PALLD: variants seen among roughly 807,000 people sequenced by gnomAD.
PALLD encodes the protein palladin, cytoskeletal associated protein.
PALLD carries 61 observed loss-of-function variants against 123.5 expected under a neutral mutation model. The observed-to-expected ratio is 0.49, with a 90% confidence interval of 0.40 to 0.61. The LOEUF is 0.61. Among genes scored for constraint, PALLD ranks in the 20% least tolerant of loss-of-function variants. The probability of loss-of-function intolerance (pLI) is 0.00; values close to 1 mark genes in which losing one functional copy is unlikely to be tolerated. For synonymous variants in PALLD, 465 were observed against 496.4 expected, an observed-to-expected ratio of 0.94 and a Z score of 0.84; for missense variants, 1,273 against 1,377.0, an observed-to-expected ratio of 0.92 and a Z score of 1.20.
chr4:168,811,771 C>T (rs751398425), intron 10 of PALLD, among the ~76,000 whole-genome samples: 1 of 99,644 alleles, frequency 1.0e-5, no homozygotes, highest in Non-Finnish European at 2.3e-5. Flanking sequence ...CTCTCTCTCT[C>T]TCTCTCACAC....
At chr4:168,623,397 T>TCATTAAATAA (rs1561315781) in intron 2 of PALLD, among the ~76,000 whole-genome samples, 1 of 152,252 alleles carries the variant, frequency 6.6e-6, no homozygotes, top group Non-Finnish European at 1.5e-5. Context: ...AACATGTGGT[T>TCATTAAATAA]CATGAAATAT....
intron 10 of PALLD, among the ~76,000 whole-genome samples, chr4:168,808,289 G>A (rs1474425604): frequency 1.3e-5 from 2 of 151,560 alleles, no homozygotes; most frequent in African/African-American, 4.8e-5. Context: ...GACCATCCTG[G>A]CTAACATGGT....
At chr4:168,521,901 G>A (rs1012507579) in intron 2 of PALLD, among the ~76,000 whole-genome samples, 8 of 151,998 alleles carry the variant, frequency 5.3e-5, no homozygotes, top group African/African-American at 1.9e-4. Context: ...ACCTCACTTG[G>A]CCTTCTGTTC....
At chr4:168,793,184 T>C (rs537253835) in intron 10 of PALLD, among the ~76,000 whole-genome samples, 1 of 124,398 alleles carries the variant, frequency 8.0e-6, no homozygotes, top group African/African-American at 3.1e-5. Flanking sequence ...TGCATATATA[T>C]ACATATATAT....
chr4:168,761,660 T>TTTTTTTTTTTTTTTTTTTTTTTTTTTG (rs1561493960), intron 10 of PALLD, among the ~76,000 whole-genome samples: 1 of 125,140 alleles, frequency 8.0e-6, no homozygotes. Flanking sequence ...TTTTTTTTTT[T>TTTTTTTTTTTTTTTTTTTTTTTTTTTG]TTTTTTTTTT....
intron 8 of PALLD, among the ~76,000 whole-genome samples, chr4:168,708,520 G>A (rs1288674165): frequency 1.3e-5 from 2 of 152,124 alleles, no homozygotes; most frequent in Non-Finnish European, 1.5e-5. Flanking sequence ...CCACTTAACA[G>A]TACCTTCCAG....
chr4:168,654,264 T>C (rs576936832), intron 2 of PALLD, among the ~76,000 whole-genome samples: 6 of 152,036 alleles, frequency 3.9e-5, no homozygotes, highest in Non-Finnish European at 8.8e-5. Flanking sequence ...TTTAGAGTTG[T>C]TTTTTTTGGG....
chr4:168,718,954 C>T (rs1402058599), intron 10 of PALLD, among the ~76,000 whole-genome samples: 1 of 146,952 alleles, frequency 6.8e-6, no homozygotes, highest in African/African-American at 2.5e-5. Flanking sequence ...GTTGCCCAGG[C>T]TGGAGTGCAG....
intron 10 of PALLD, among the ~76,000 whole-genome samples, chr4:168,817,867 G>T (rs1416723115): frequency 6.6e-6 from 1 of 152,126 alleles, no homozygotes; most frequent in African/African-American, 2.4e-5. Context: ...GCAACTCTAG[G>T]ATTGGCAATT....
At chr4:168,728,399 T>A (rs1282195472) in intron 10 of PALLD, among the ~76,000 whole-genome samples, 3 of 152,122 alleles carry the variant, frequency 2.0e-5, no homozygotes, top group Non-Finnish European at 2.9e-5. Context: ...GTTTTATAGT[T>A]CTTGTAGAGA....
chr4:168,694,757 T>C (rs1782980283), intron 8 of PALLD, among the ~76,000 whole-genome samples: 4 of 152,236 alleles, frequency 2.6e-5, no homozygotes, highest in Admixed American at 2.6e-4. Context: ...TGATGTGTTT[T>C]ACACTCCCCT....
chr4:168,843,761 A>C (rs1369570254), intron 10 of PALLD, among the ~76,000 whole-genome samples: 1 of 152,168 alleles, frequency 6.6e-6, no homozygotes, highest in African/African-American at 2.4e-5. Context: ...ATCCAGTCAA[A>C]TGATGTCAGC....
intron 2 of PALLD, among the ~76,000 whole-genome samples, chr4:168,626,107 C>CAA (rs35368159): frequency 3.4e-5 from 5 of 146,090 alleles, no homozygotes; most frequent in South Asian, 2.2e-4. Flanking sequence ...ACTAAAAATA[C>CAA]AAAAAAAAAT....
At chr4:168,837,963 G>A (rs1745435772) in intron 10 of PALLD, among the ~76,000 whole-genome samples, 2 of 152,176 alleles carry the variant, frequency 1.3e-5, no homozygotes, top group South Asian at 4.1e-4. Flanking sequence ...ATAGATCTAG[G>A]GAGCATGAGG....
chr4:168,899,400 A>G (rs576642504), intron 14 of PALLD, among the ~76,000 whole-genome samples: 1 of 152,202 alleles, frequency 6.6e-6, no homozygotes, highest in Non-Finnish European at 1.5e-5. Context: ...AAAAGAATAA[A>G]AAAAAGGGAA....
chr4:168,700,616 G>C (rs1007873427), intron 8 of PALLD: 2 of 152,214 alleles, frequency 1.3e-5, no homozygotes, highest in African/African-American at 4.8e-5. Flanking sequence ...AGCCTACCAT[G>C]TGTGAGATGC....
At chr4:168,726,993 T>C (rs971908739) in intron 10 of PALLD, among the ~76,000 whole-genome samples, 1 of 152,228 alleles carries the variant, frequency 6.6e-6, no homozygotes, top group Middle Eastern at 3.2e-3. Flanking sequence ...TTTCCATCCC[T>C]GCATTAATTT....
At chr4:168,886,629 C>T (rs1381462659) in intron 10 of PALLD, among the ~76,000 whole-genome samples, 1 of 152,048 alleles carries the variant, frequency 6.6e-6, no homozygotes, top group Non-Finnish European at 1.5e-5. Flanking sequence ...GGTGACAGAG[C>T]AAAACCCAGT....
At position 168,678,888 on chromosome 4, in the gene PALLD, TGTG is replaced by T. The variant is rs367764078; in HGVS notation, c.1088-2440_1088-2438del. Reference sequence around the variant, plus strand: ...TGTGGGTGTGGCGTGTGTGTGGTGGTGTGGTGAGGTGTGTATGTGTGGTGTGTG... The same window carrying T: ...TGTGGGTGTGGCGTGTGTGTGGTGGTGTGAGGTGTGTATGTGTGGTGTGTG... On this transcript the variant is annotated intron_variant, in intron 3 of 21. Coordinates refer to ENST00000505667, the MANE Select transcript of PALLD (RefSeq NM_001166108.2). 6.0e-3 allele frequency among the ~76,000 whole-genome samples: 764 copies of T among 127,682 alleles called. 6 individuals carry two copies. The highest frequency in any genetic ancestry group is 0.02 in the African/African-American group (668 of 33,436). 83.8% of individuals were successfully genotyped at this position (127,682 alleles called of 152,430 possible).
Sources: allele counts gnomAD v4.1 joint callset (sites outside exome capture counted in the v4.1 genomes callset), GRCh38; gene constraint gnomAD v4.1.1; transcripts MANE v1.5; gene names NCBI Gene and HGNC (gene_info 2026-07-23, HGNC 2026-07-21).